Variants in KHDRBS2 observed in about 807,000 individuals in gnomAD.
KHDRBS2 encodes the protein KH RNA binding domain containing, signal transduction associated 2.
KHDRBS2 carries 26 observed loss-of-function variants against 44.3 expected under a neutral mutation model. The observed-to-expected ratio is 0.59, with a 90% confidence interval of 0.43 to 0.81. The LOEUF (loss-of-function observed/expected upper bound fraction) is 0.81. Among genes scored for constraint, KHDRBS2 ranks in the 40% least tolerant of loss-of-function variants. The pLI is 0.00. For missense variants in KHDRBS2, 476 were observed against 433.1 expected, an observed-to-expected ratio of 1.10 and a Z score of -0.88; for synonymous variants, 194 against 151.1, an observed-to-expected ratio of 1.28 and a Z score of -2.08.
At chr6:61,550,766 C>CCTTTTT in the KHDRBS2 span, among the ~76,000 whole-genome samples, 1 of 117,038 alleles carries the variant, frequency 8.5e-6, no homozygotes, top group Non-Finnish European at 1.6e-5. Context: ...GAGATGGTAT[C>CCTTTTT]TTTTTTTTTT....
intron 6 of KHDRBS2, among the ~76,000 whole-genome samples, chr6:61,755,457 GA>G (rs1260809378): frequency 6.6e-6 from 1 of 152,020 alleles, no homozygotes; most frequent in Admixed American, 6.6e-5. Flanking sequence ...TCAGAAAATT[GA>G]ACTGCCATGT....
the KHDRBS2 span, among the ~76,000 whole-genome samples, chr6:61,663,165 C>G: frequency 6.8e-6 from 1 of 146,518 alleles, no homozygotes; most frequent in Non-Finnish European, 1.5e-5. Flanking sequence ...AAACCAAACG[C>G]CGCGTGTTCT....
At chr6:61,557,866 G>A in the KHDRBS2 span, among the ~76,000 whole-genome samples, 1 of 152,048 alleles carries the variant, frequency 6.6e-6, no homozygotes, top group African/African-American at 2.4e-5. Flanking sequence ...GTTCAAACTT[G>A]GTAGGTTACA....
chr6:62,169,410 T>G (rs531125460), intron 2 of KHDRBS2, among the ~76,000 whole-genome samples: 92 of 151,954 alleles, frequency 6.1e-4, no homozygotes, highest in African/African-American at 2.0e-3. Context: ...AATTGGAAAT[T>G]GGGTCAAACT....
At chr6:62,240,034 G>T (rs1057370276) in intron 1 of KHDRBS2, among the ~76,000 whole-genome samples, 1 of 152,000 alleles carries the variant, frequency 6.6e-6, no homozygotes, top group Non-Finnish European at 1.5e-5. Flanking sequence ...ACATAGTACA[G>T]AGTACAGAAA....
chr6:62,127,914 A>G (rs181057778), intron 2 of KHDRBS2, among the ~76,000 whole-genome samples: 1 of 152,168 alleles, frequency 6.6e-6, no homozygotes, highest in Admixed American at 6.5e-5. Flanking sequence ...CAATTAGTTA[A>G]CATCTGCCAG....
chr6:62,159,701 C>A (rs1459715421), intron 2 of KHDRBS2, among the ~76,000 whole-genome samples: 1 of 151,972 alleles, frequency 6.6e-6, no homozygotes, highest in African/African-American at 2.4e-5. Context: ...AACATAAAGT[C>A]AATTAACACA....
chr6:62,226,877 G>A (rs1424949813), intron 1 of KHDRBS2, among the ~76,000 whole-genome samples: 1 of 152,028 alleles, frequency 6.6e-6, no homozygotes, highest in Non-Finnish European at 1.5e-5. Context: ...TGTTCAATTG[G>A]TCTGTATGTC....
chr6:61,740,723 T>G (rs1582526533), intron 6 of KHDRBS2, among the ~76,000 whole-genome samples: 1 of 151,930 alleles, frequency 6.6e-6, no homozygotes, highest in African/African-American at 2.4e-5. Flanking sequence ...GTAAGGAAAT[T>G]TGTGAAAGCG....
At chr6:61,713,439 T>C (rs1243662528) in intron 7 of KHDRBS2, among the ~76,000 whole-genome samples, 5 of 151,826 alleles carry the variant, frequency 3.3e-5, no homozygotes, top group African/African-American at 1.2e-4. Flanking sequence ...ATAAAGTGTG[T>C]TGTTATTAGT....
At chr6:62,227,315 T>C (rs1466114585) in intron 1 of KHDRBS2, among the ~76,000 whole-genome samples, 1 of 152,216 alleles carries the variant, frequency 6.6e-6, no homozygotes, top group Non-Finnish European at 1.5e-5. Context: ...ATGATTTGGC[T>C]CTCTGCTTAT....
At chr6:61,667,471 T>C in the KHDRBS2 span, among the ~76,000 whole-genome samples, 141 of 151,430 alleles carry the variant, frequency 9.3e-4, no homozygotes, top group Admixed American at 2.1e-3. Context: ...TGATATTTAT[T>C]CATTTAATTA....
chr6:62,069,023 A>G (rs1794391600), intron 2 of KHDRBS2, among the ~76,000 whole-genome samples: 2 of 151,624 alleles, frequency 1.3e-5, no homozygotes, highest in African/African-American at 4.8e-5. Flanking sequence ...TTTCTGGAAA[A>G]AAGATACTAG....
intron 6 of KHDRBS2, among the ~76,000 whole-genome samples, chr6:61,814,923 G>T (rs1330110129): frequency 6.6e-6 from 1 of 151,958 alleles, no homozygotes; most frequent in Non-Finnish European, 1.5e-5. Context: ...TATATAAAAT[G>T]GTAAAGTATT....
chr6:62,117,570 T>C (rs1391998269), intron 2 of KHDRBS2, among the ~76,000 whole-genome samples: 3 of 152,118 alleles, frequency 2.0e-5, no homozygotes, highest in Non-Finnish European at 2.9e-5. Flanking sequence ...CTTCATTCTG[T>C]TGATTGTTTC....
chr6:61,644,949 G>T, the KHDRBS2 span, among the ~76,000 whole-genome samples: 1 of 152,006 alleles, frequency 6.6e-6, no homozygotes, highest in Non-Finnish European at 1.5e-5. Flanking sequence ...ATTCAACCCA[G>T]CAATCTCATT....
At chr6:61,715,890 T>C (rs1771328961) in intron 7 of KHDRBS2, among the ~76,000 whole-genome samples, 1 of 151,962 alleles carries the variant, frequency 6.6e-6, no homozygotes, top group South Asian at 2.1e-4. Context: ...CCTTAAAATG[T>C]TTAATTTCTT....
At chr6:61,546,051 GTC>G in the KHDRBS2 span, among the ~76,000 whole-genome samples, 3 of 152,016 alleles carry the variant, frequency 2.0e-5, no homozygotes, top group South Asian at 6.2e-4. Flanking sequence ...GACTAATACA[GTC>G]TCTCTAAATA....
chr6:61,754,271 G>C (rs1205436541), intron 6 of KHDRBS2, among the ~76,000 whole-genome samples: 1 of 152,090 alleles, frequency 6.6e-6, no homozygotes, highest in Non-Finnish European at 1.5e-5. Context: ...GGTCTAGTGA[G>C]GGACCACAAA....
Sources: gnomAD v4.1 joint callset for allele counts (sites outside exome capture counted in the v4.1 genomes callset) on GRCh38, gnomAD v4.1.1 for gene constraint, MANE v1.5 for transcripts, NCBI Gene and HGNC (gene_info 2026-07-23, HGNC 2026-07-21) for gene names.